Variants in ZMAT4 observed in about 807,000 individuals in gnomAD.
ZMAT4 encodes the protein zinc finger matrin-type 4.
ZMAT4 carries 17 observed loss-of-function variants against 28.7 expected under a neutral mutation model. The observed-to-expected ratio is 0.59, with a 90% CI of 0.41 to 0.89. ZMAT4 has a LOEUF of 0.89. ZMAT4 is among the 40% of genes least tolerant of loss of function. The probability of loss-of-function intolerance (pLI) is 0.00; values close to 1 mark genes in which losing one functional copy is unlikely to be tolerated. For missense variants in ZMAT4, 240 were observed against 283.8 expected (o/e 0.85, Z 1.11); for synonymous variants, 117 against 109.2 (o/e 1.07, Z -0.44).
intron 4 of ZMAT4, among the ~76,000 whole-genome samples, chr8:40,689,732 T>C (rs1454363740): frequency 6.6e-6 from 1 of 151,918 alleles, no homozygotes; most frequent in Non-Finnish European, 1.5e-5. Flanking sequence ...GTGTTTTGCG[T>C]ATGGATTTCA....
chr8:40,865,335 A>T (rs954903823), intron 1 of ZMAT4, among the ~76,000 whole-genome samples: 1 of 152,188 alleles, frequency 6.6e-6, no homozygotes, highest in Admixed American at 6.5e-5. Flanking sequence ...TGAAAATGTC[A>T]CCTTCCAGAA....
intron 5 of ZMAT4, among the ~76,000 whole-genome samples, chr8:40,646,191 A>G (rs532674358): frequency 4.9e-4 from 75 of 152,066 alleles, no homozygotes; most frequent in African/African-American, 1.7e-3. Flanking sequence ...TACTAAGATG[A>G]TTAAATTTAG....
intron 1 of ZMAT4, among the ~76,000 whole-genome samples, chr8:40,895,217 G>C (rs552970577): frequency 6.6e-6 from 1 of 152,322 alleles, no homozygotes; most frequent in East Asian, 1.9e-4. Flanking sequence ...TGTGGATAGT[G>C]CTTATCCAGG....
chr8:40,595,473 C>T (rs1441479787), intron 5 of ZMAT4, among the ~76,000 whole-genome samples: 1 of 152,072 alleles, frequency 6.6e-6, no homozygotes, highest in Non-Finnish European at 1.5e-5. Context: ...GTGTGAACAT[C>T]AGAGTGTACT....
At chr8:40,584,288 G>T (rs1439484146) in intron 5 of ZMAT4, among the ~76,000 whole-genome samples, 1 of 152,126 alleles carries the variant, frequency 6.6e-6, no homozygotes, top group African/African-American at 2.4e-5. Flanking sequence ...AGGAGCCAGA[G>T]CAATGTACTG....
At chr8:40,886,819 C>T (rs1204511461) in intron 1 of ZMAT4, among the ~76,000 whole-genome samples, 1 of 152,232 alleles carries the variant, frequency 6.6e-6, no homozygotes, top group Middle Eastern at 3.4e-3. Context: ...CCTATCCTAA[C>T]CTTGCTACAT....
rs555469275 is a variant in ZMAT4 at position 40,855,196 on chromosome 8, T to C, written c.-4-29516A>G. Reference sequence around the variant, plus strand: ...ACTTAGGCTCTTTGTAAACGGTGTGTCCAGACCAGGAGCCATTTGAGCCTG... The same window carrying C: ...ACTTAGGCTCTTTGTAAACGGTGTGCCCAGACCAGGAGCCATTTGAGCCTG... On this transcript the variant is annotated intron_variant, in intron 1 of 6. Transcript: ENST00000297737. Among the ~76,000 whole-genome samples, 10 of 152,240 alleles carry C rather than the reference T, an allele frequency of 6.6e-5. No homozygotes were observed. In the East Asian group the frequency reaches 1.2e-3, roughly 18 times the overall value.
At chr8:40,542,298 G>T (rs1417728390) in intron 6 of ZMAT4, among the ~76,000 whole-genome samples, 2 of 152,130 alleles carry the variant, frequency 1.3e-5, no homozygotes, top group Non-Finnish European at 1.5e-5. Flanking sequence ...GCCACCGAGG[G>T]GTCAGGGAGG....
At chr8:40,691,901 T>A (rs1019201320) in intron 4 of ZMAT4, among the ~76,000 whole-genome samples, 1 of 152,124 alleles carries the variant, frequency 6.6e-6, no homozygotes, top group African/African-American at 2.4e-5. Context: ...TGGTATTTGG[T>A]ATATCACCTA....
At chr8:40,787,905 G>A (rs1377449394) in intron 2 of ZMAT4, among the ~76,000 whole-genome samples, 1 of 152,188 alleles carries the variant, frequency 6.6e-6, no homozygotes, top group African/African-American at 2.4e-5. Flanking sequence ...ATGGTTGGCT[G>A]AGGGTAATTG....
At chr8:40,882,134 T>C (rs1818302254) in intron 1 of ZMAT4, among the ~76,000 whole-genome samples, 1 of 152,202 alleles carries the variant, frequency 6.6e-6, no homozygotes, top group African/African-American at 2.4e-5. Flanking sequence ...ACCAGCCTTG[T>C]GGCCGCCTCG....
At chr8:40,565,687 ATC>A (rs751462308) in intron 6 of ZMAT4, among the ~76,000 whole-genome samples, 1 of 151,020 alleles carries the variant, frequency 6.6e-6, no homozygotes, top group Non-Finnish European at 1.5e-5. Context: ...CATTGCCACC[ATC>A]TTTTTCATAT....
chr8:40,552,555 G>A (rs1030724766), intron 6 of ZMAT4, among the ~76,000 whole-genome samples: 1 of 152,136 alleles, frequency 6.6e-6, no homozygotes, highest in Non-Finnish European at 1.5e-5. Flanking sequence ...ACTTGTGCCA[G>A]GCATTGTGTT....
chr8:40,569,737 G>A (rs907349688), intron 6 of ZMAT4, among the ~76,000 whole-genome samples: 7 of 152,118 alleles, frequency 4.6e-5, no homozygotes, highest in Non-Finnish European at 1.0e-4. Flanking sequence ...TGCCTTTAAC[G>A]TAAGAACAGG....
chr8:40,758,442 T>C lies in ZMAT4; in HGVS notation c.192+9199A>G, dbSNP rs1812786186. Among the ~76,000 whole-genome samples the C allele has an allele frequency of 2.0e-5, 3 of 152,156 alleles. No homozygotes were observed. In the South Asian group the frequency reaches 6.2e-4, roughly 32 times the overall value. On this transcript the variant is annotated intron_variant, in intron 3 of 6. Transcript: ENST00000297737. ...TGTTATCATTATCCCTTTCAAAAAA[T>C]AAACAGAGCAACAATTCCTGTGTTG...
intron 6 of ZMAT4, among the ~76,000 whole-genome samples, chr8:40,562,854 A>G (rs991455863): frequency 3.3e-5 from 5 of 152,156 alleles, no homozygotes; most frequent in Non-Finnish European, 4.4e-5. Context: ...TCTCCTACTT[A>G]GAAAAGAAAT....
At chr8:40,610,121 T>G (rs1226429980) in intron 5 of ZMAT4, among the ~76,000 whole-genome samples, 5 of 152,238 alleles carry the variant, frequency 3.3e-5, no homozygotes, top group Non-Finnish European at 1.5e-5. Context: ...AATTCCAGTC[T>G]TTGAAAACAA....
At chr8:40,636,470 GT>G (rs1172092614) in intron 5 of ZMAT4, among the ~76,000 whole-genome samples, 2 of 152,170 alleles carry the variant, frequency 1.3e-5, no homozygotes, top group Admixed American at 6.5e-5. Flanking sequence ...TTACAGTGGA[GT>G]TTTTTTGGTG....
chr8:40,833,540 C>CA (rs57458575), intron 1 of ZMAT4, among the ~76,000 whole-genome samples: 914 of 87,004 alleles, frequency 0.011, 19 homozygotes, highest in East Asian at 0.043. Context: ...TACACTCCAG[C>CA]AAAAAAAAAA....
Sources: allele counts gnomAD v4.1 joint callset (sites outside exome capture counted in the v4.1 genomes callset), GRCh38; gene constraint gnomAD v4.1.1; transcripts MANE v1.5; gene names NCBI Gene and HGNC (gene_info 2026-07-23, HGNC 2026-07-21).